The following MYLK variants were observed in gnomAD, a reference collection of about 807,000 sequenced individuals.
MYLK encodes myosin light chain kinase, smooth muscle.
MYLK carries 106 observed loss-of-function variants against 203.4 expected under a neutral mutation model. That is an observed-to-expected ratio of 0.52 (90% confidence interval 0.45 to 0.61). The LOEUF is 0.61. MYLK is among the 20% of genes least tolerant of loss of function. The pLI is 0.00. For missense variants in MYLK, 2,072 were observed against 2,442.3 expected, an observed-to-expected ratio of 0.85 and a Z score of 3.20; for synonymous variants, 867 against 959.5, an observed-to-expected ratio of 0.90 and a Z score of 1.78.
At chr3:123,869,119 G>GCAT (rs1560304629) in intron 2 of MYLK, among the ~76,000 whole-genome samples, 1 of 152,136 alleles carries the variant, frequency 6.6e-6, no homozygotes. Flanking sequence ...CCTAGGAGCT[G>GCAT]TAGTGCCCTT....
intron 24 of MYLK, among the ~76,000 whole-genome samples, chr3:123,656,889 T>A (rs1331545607): frequency 6.6e-6 from 1 of 152,188 alleles, no homozygotes; most frequent in East Asian, 1.9e-4. Context: ...CATCACCCCC[T>A]GGTGGCAGCA....
Position 123,620,179 on chromosome 3 carries a change from C to A in MYLK, c.5368+28G>T, listed in dbSNP as rs372648070. 9 of 1,600,378 alleles carry A rather than the reference C, an allele frequency of 5.6e-6. No homozygotes were observed. In the African/African-American group the frequency reaches 9.4e-5, roughly 17 times the overall value. Reference sequence around the variant, plus strand: ...TTGTTCCCCAGCCCTTTCTTTCTCACCAGCTGGCTGGAGAAACTCCTCCTT... The same window carrying A: ...TTGTTCCCCAGCCCTTTCTTTCTCAACAGCTGGCTGGAGAAACTCCTCCTT... On this transcript the variant is annotated intron_variant, in intron 32 of 33. Coordinates refer to ENST00000360304, the MANE Select transcript of MYLK (RefSeq NM_053025.4).
chr3:123,692,700 TG>T, intron 19 of MYLK, 34 bp downstream of exon 19: 1 of 1,513,438 alleles, frequency 6.6e-7, no homozygotes, highest in East Asian at 2.2e-5. Context: ...GGGACCCCTG[TG>T]TATGGGTGGC....
At chr3:123,776,702 C>T (rs926439897) in intron 4 of MYLK, among the ~76,000 whole-genome samples, 1 of 152,202 alleles carries the variant, frequency 6.6e-6, no homozygotes, top group Non-Finnish European at 1.5e-5. Flanking sequence ...TTACTGAGCA[C>T]TTATATTACA....
chr3:123,741,527 G>A (rs565947870), intron 5 of MYLK, among the ~76,000 whole-genome samples: 6 of 152,316 alleles, frequency 3.9e-5, no homozygotes, highest in African/African-American at 1.4e-4. Flanking sequence ...AAGATGCTGG[G>A]CCCTCAGATG....
chr3:123,699,159 C>T (rs977639792), intron 18 of MYLK, among the ~76,000 whole-genome samples: 12 of 151,972 alleles, frequency 7.9e-5, no homozygotes, highest in East Asian at 1.9e-4. Flanking sequence ...GTGTGGAGGT[C>T]GGCCGGCCTC....
intron 13 of MYLK, 48 bp from the exon 14 acceptor site, chr3:123,709,941 C>G: frequency 3.1e-6 from 5 of 1,610,658 alleles, no homozygotes; most frequent in Non-Finnish European, 4.2e-6. Context: ...TGCATTCATT[C>G]AACAAACACA....
rs820463 is a variant in MYLK, at chr3:123,638,190, A to T, written c.4842T>A (p.Asn1614Lys). 1.9e-6 allele frequency: 3 copies of T among 1,613,370 alleles called. No individual in the cohort carries two copies. Among genetic ancestry groups the T allele is most frequent in the Admixed American group, 3.3e-5 (2 of 59,948 alleles). The stretch of plus-strand genomic sequence containing the variant: ...CAAAGAGGACCTTCAGAGACCCCGC[A>T]TTCTCTGAAACCAGGATGGAGAGGG... Reference protein sequence around the residue: ...IDFGLARRLENAGSLKVLFGT... With the variant: ...IDFGLARRLEKAGSLKVLFGT... The change falls in exon 29 of 34, where the codon AAT (asparagine) becomes AAA (lysine). Residue 1614 changes from asparagine (N) to lysine (K), a missense_variant. Transcript: ENST00000360304.
chr3:123,781,156 G>A (rs564276179), intron 4 of MYLK, among the ~76,000 whole-genome samples: 19 of 152,352 alleles, frequency 1.2e-4, no homozygotes, highest in African/African-American at 3.8e-4. Context: ...GCCCCACATC[G>A]TGGAGAAAGG....
At chr3:123,715,125 C>T (rs1280540377) in intron 13 of MYLK, among the ~76,000 whole-genome samples, 3 of 152,202 alleles carry the variant, frequency 2.0e-5, no homozygotes, top group South Asian at 2.1e-4. Context: ...GGAGTTTTTC[C>T]GTCCTTGCCA....
chr3:123,697,717 C>T (rs531637152), intron 18 of MYLK, among the ~76,000 whole-genome samples: 35 of 152,246 alleles, frequency 2.3e-4, no homozygotes, highest in Non-Finnish European at 4.4e-4. Flanking sequence ...ACATAGTGTT[C>T]AACATATGTC....
At chr3:123,780,487 G>C (rs543083638) in intron 4 of MYLK, among the ~76,000 whole-genome samples, 120 of 152,230 alleles carry the variant, frequency 7.9e-4, no homozygotes, top group Middle Eastern at 3.4e-3. Flanking sequence ...ATGTTATGTT[G>C]GAACAGGAAG....
chr3:123,809,655 TCAGA>T (rs1214027924), intron 3 of MYLK, among the ~76,000 whole-genome samples: 1 of 152,182 alleles, frequency 6.6e-6, no homozygotes, highest in Non-Finnish European at 1.5e-5. Context: ...AGACAGCAGC[TCAGA>T]CACACTATCC....
intron 33 of MYLK, chr3:123,617,484 T>C (rs1410439462): frequency 6.6e-6 from 1 of 152,230 alleles, no homozygotes; most frequent in Non-Finnish European, 1.5e-5. Context: ...GGCGAAGCAT[T>C]GATAAGGCAC....
At chr3:123,716,635 C>G (rs570937670) in intron 13 of MYLK, among the ~76,000 whole-genome samples, 1 of 152,184 alleles carries the variant, frequency 6.6e-6, no homozygotes, top group South Asian at 2.1e-4. Flanking sequence ...ATCCAAACCA[C>G]CCACTGTTCC....
intron 3 of MYLK, among the ~76,000 whole-genome samples, chr3:123,827,693 C>CCA (rs1258139574): frequency 2.9e-5 from 1 of 34,388 alleles, no homozygotes; most frequent in Non-Finnish European, 6.0e-5. Flanking sequence ...ATGAAAAACA[C>CCA]CATATATATA....
In MYLK at chr3:123,664,264, G is replaced by C; in HGVS notation, c.3832-6C>G. ...ATGTGCTCGCTTTCCTGGATCTAGGGGCGGAGGATGGAGCAGGTGCTGGAG... is the reference window on the plus strand; with the variant it reads ...ATGTGCTCGCTTTCCTGGATCTAGGCGCGGAGGATGGAGCAGGTGCTGGAG... On this transcript the variant is annotated splice_region_variant and splice_polypyrimidine_tract_variant and intron_variant, in intron 22 of 33. Coordinates refer to ENST00000360304, the MANE Select transcript of MYLK (RefSeq NM_053025.4). 1 of 1,614,204 alleles carries C rather than the reference G, an allele frequency of 6.2e-7. No homozygotes were observed. Among genetic ancestry groups the C allele is most frequent in the Non-Finnish European group, 8.5e-7 (1 of 1,180,038 alleles).
intron 19 of MYLK, among the ~76,000 whole-genome samples, chr3:123,685,612 G>GAAA (rs59215456): frequency 3.6e-5 from 4 of 112,400 alleles, no homozygotes; most frequent in African/African-American, 1.0e-4. Flanking sequence ...TCCAAAAAAT[G>GAAA]AAAAAAAAAA....
Position 123,733,710 on chromosome 3 carries a change from T to C in MYLK, c.1286A>G (p.Gln429Arg). 1 of 1,614,186 alleles carries C rather than the reference T, an allele frequency of 6.2e-7. No individual in the cohort carries two copies. Among genetic ancestry groups the C allele is most frequent in the Non-Finnish European group, 8.5e-7 (1 of 1,180,042 alleles). The change falls in exon 10 of 34, where the codon CAA becomes CGA. Residue 429 changes from glutamine (Q) to arginine (R), a missense_variant. Coordinates refer to ENST00000360304, the MANE Select transcript of MYLK (RefSeq NM_053025.4). ...KPQSQEVKENQTVKFRCEVSG... is the reference protein window; with the variant it reads ...KPQSQEVKENRTVKFRCEVSG... The stretch of plus-strand genomic sequence containing the variant: ...ACCTTCACATCTGAACTTGACAGTT[T>C]GATTTTCCTTGACCTCCTGGCTTTG...
Sources: allele counts gnomAD v4.1 joint callset (sites outside exome capture counted in the v4.1 genomes callset), GRCh38; gene constraint gnomAD v4.1.1; transcripts MANE v1.5; gene names NCBI Gene and HGNC (gene_info 2026-07-23, HGNC 2026-07-21).